CDC42SE2: variants seen among roughly 807,000 people sequenced by gnomAD.
CDC42SE2 encodes CDC42 small effector 2.
In CDC42SE2, 3 loss-of-function variants were observed where a neutral mutation model predicts 11.5. The ratio of observed to expected loss-of-function variants is 0.26; its 90% CI spans 0.12 to 0.67. The LOEUF (loss-of-function observed/expected upper bound fraction) is 0.67. Among genes scored for constraint, CDC42SE2 ranks in the 30% least tolerant of loss-of-function variants. The probability of loss-of-function intolerance (pLI) is 0.80; values close to 1 mark genes in which losing one functional copy is unlikely to be tolerated. For synonymous variants in CDC42SE2, 33 were observed against 34.8 expected (o/e 0.95, Z 0.18); for missense variants, 82 against 106.8 (o/e 0.77, Z 1.02).
intron 2 of CDC42SE2, among the ~76,000 whole-genome samples, chr5:131,334,654 T>C (rs1036743757): frequency 2.6e-5 from 4 of 152,150 alleles, no homozygotes; most frequent in Admixed American, 2.6e-4. Flanking sequence ...CCTGTTATTG[T>C]TCTATTCAGA....
intron 1 of CDC42SE2, among the ~76,000 whole-genome samples, chr5:131,276,397 C>T (rs1052885003): frequency 1.3e-5 from 2 of 149,030 alleles, no homozygotes; most frequent in African/African-American, 5.0e-5. Flanking sequence ...TGCAGTGAGC[C>T]GAGATCTCAC....
intron 1 of CDC42SE2, among the ~76,000 whole-genome samples, chr5:131,285,155 A>G (rs982105126): frequency 2.0e-5 from 3 of 151,474 alleles, no homozygotes; most frequent in African/African-American, 7.3e-5. Flanking sequence ...GTGAGGTGGT[A>G]TACACCTTTG....
intron 1 of CDC42SE2, among the ~76,000 whole-genome samples, chr5:131,248,203 G>A (rs1005472880): frequency 6.6e-6 from 1 of 151,730 alleles, no homozygotes; most frequent in Non-Finnish European, 1.5e-5. Flanking sequence ...ACAGTGGCGC[G>A]ATCCCAGCTC....
the CDC42SE2 span, among the ~76,000 whole-genome samples, chr5:131,234,039 A>G: frequency 6.6e-6 from 1 of 152,088 alleles, no homozygotes; most frequent in Non-Finnish European, 1.5e-5. Context: ...GCACTAGATT[A>G]TTATATGTGC....
intron 4 of CDC42SE2, among the ~76,000 whole-genome samples, chr5:131,386,058 T>C (rs1189105609): frequency 6.6e-6 from 1 of 152,252 alleles, no homozygotes; most frequent in Non-Finnish European, 1.5e-5. Context: ...TTTATTGCTT[T>C]ACTTTATAAA....
rs1750699809 is a variant in CDC42SE2, at chr5:131,392,719, T to A, written c.*1628T>A. 6.6e-6 allele frequency: 1 copy of A among 152,358 alleles called. No homozygotes were observed. The highest frequency in any genetic ancestry group is 2.1e-4 in the South Asian group (1 of 4,826). The allele number at this position is 152,358 out of a possible 1,614,324, so 9.4% of individuals were successfully genotyped here. ...CCAATCCTGAGCATCTTCATCTTATTAATTAGCTGTTCGTTTCTTTGTGCA... is the reference window on the plus strand; with the variant it reads ...CCAATCCTGAGCATCTTCATCTTATAAATTAGCTGTTCGTTTCTTTGTGCA... On this transcript the variant is annotated 3_prime_UTR_variant, in exon 5 of 5. Coordinates refer to ENST00000505065, the MANE Select transcript of CDC42SE2 (RefSeq NM_001375635.1).
At chr5:131,239,492 C>T in the CDC42SE2 span, among the ~76,000 whole-genome samples, 3 of 152,234 alleles carry the variant, frequency 2.0e-5, no homozygotes, top group Admixed American at 1.3e-4. Context: ...GTTGCTTATC[C>T]TCCTGTTTAT....
chr5:131,278,661 T>C (rs192232349), intron 1 of CDC42SE2, among the ~76,000 whole-genome samples: 13 of 143,334 alleles, frequency 9.1e-5, no homozygotes, highest in African/African-American at 3.3e-4. Context: ...GAAATTGTTG[T>C]TTTTATAGAC....
intron 3 of CDC42SE2, among the ~76,000 whole-genome samples, chr5:131,377,439 G>A (rs1750190156): frequency 6.6e-6 from 1 of 152,130 alleles, no homozygotes; most frequent in African/African-American, 2.4e-5. Context: ...AAAGTGCTAG[G>A]CTTACAGGCG....
intron 1 of CDC42SE2, among the ~76,000 whole-genome samples, chr5:131,248,610 A>G (rs575640296): frequency 1.3e-5 from 2 of 152,316 alleles, no homozygotes; most frequent in East Asian, 3.9e-4. Context: ...ATAATCTTCA[A>G]ATTAACAAGA....
chr5:131,316,696 T>G (rs966838406), intron 2 of CDC42SE2, among the ~76,000 whole-genome samples: 1 of 152,222 alleles, frequency 6.6e-6, no homozygotes. Context: ...AGCCATCTTT[T>G]TAGTAGCCTG....
the CDC42SE2 span, among the ~76,000 whole-genome samples, chr5:131,224,764 T>C: frequency 1.3e-5 from 2 of 151,964 alleles, no homozygotes; most frequent in Non-Finnish European, 2.9e-5. Context: ...CAACATTGCC[T>C]CTTTTAAGAG....
At chr5:131,386,604 T>C (rs1750494434) in intron 4 of CDC42SE2, among the ~76,000 whole-genome samples, 1 of 152,250 alleles carries the variant, frequency 6.6e-6, no homozygotes, top group African/African-American at 2.4e-5. Flanking sequence ...TCTACTCAGC[T>C]GACCTTTTAG....
chr5:131,350,047 T>C (rs1353706408), intron 2 of CDC42SE2, among the ~76,000 whole-genome samples: 1 of 152,058 alleles, frequency 6.6e-6, no homozygotes, highest in Non-Finnish European at 1.5e-5. Flanking sequence ...CATCATAGAT[T>C]ACAGAGTAAT....
intron 1 of CDC42SE2, among the ~76,000 whole-genome samples, chr5:131,283,372 G>T (rs1234677830): frequency 6.6e-6 from 1 of 152,052 alleles, no homozygotes; most frequent in African/African-American, 2.4e-5. Context: ...TCTCTTTCTA[G>T]ATTTGCCTCT....
chr5:131,325,929 C>T (rs1191417511), intron 2 of CDC42SE2, among the ~76,000 whole-genome samples: 1 of 152,174 alleles, frequency 6.6e-6, no homozygotes, highest in Admixed American at 6.5e-5. Flanking sequence ...AACCTGTTGG[C>T]TCATGCCATT....
At chr5:131,294,771 C>T (rs1036207223) in intron 1 of CDC42SE2, among the ~76,000 whole-genome samples, 2 of 152,114 alleles carry the variant, frequency 1.3e-5, no homozygotes, top group South Asian at 4.1e-4. Flanking sequence ...GCGGGCAGAT[C>T]ACTTGAGGTC....
intron 1 of CDC42SE2, among the ~76,000 whole-genome samples, chr5:131,270,838 G>T (rs1756980605): frequency 6.6e-6 from 1 of 152,170 alleles, no homozygotes; most frequent in South Asian, 2.1e-4. Context: ...TGTTTTGGAG[G>T]AAGAGTCGTA....
intron 1 of CDC42SE2, among the ~76,000 whole-genome samples, chr5:131,280,725 C>T (rs532890163): frequency 2.0e-5 from 3 of 152,158 alleles, no homozygotes; most frequent in East Asian, 1.9e-4. Flanking sequence ...AAATATGAGC[C>T]TGTAGATAAG....
Sources: allele counts gnomAD v4.1 joint callset (sites outside exome capture counted in the v4.1 genomes callset), GRCh38; gene constraint gnomAD v4.1.1; transcripts MANE v1.5; gene names NCBI Gene and HGNC (gene_info 2026-07-23, HGNC 2026-07-21).